The following TTC39A variants were observed in gnomAD, a reference collection of about 807,000 sequenced individuals.
The protein encoded by TTC39A is tetratricopeptide repeat protein 39A.
TTC39A carries 46 observed loss-of-function variants against 82.3 expected under a neutral mutation model. That is an observed-to-expected ratio of 0.56 (90% CI 0.44 to 0.71). The LOEUF (loss-of-function observed/expected upper bound fraction) is 0.71. Ranked by LOEUF, TTC39A falls within the 30% of genes least tolerant of loss-of-function variation. The pLI is 0.00. For missense variants in TTC39A, 543 were observed against 712.9 expected (o/e 0.76, Z 2.71); for synonymous variants, 254 against 275.2 (o/e 0.92, Z 0.76).
chr1:51,339,487 AAAG>A lies in TTC39A; in HGVS notation c.53+5501_53+5503del, dbSNP rs1646010141. 3.3e-5 allele frequency among the ~76,000 whole-genome samples: 5 copies of A among 152,274 alleles called. No individual in the cohort carries two copies. In the South Asian group the frequency reaches 6.2e-4, roughly 19 times the overall value. ...AGAAAAATTCCTCTTTTTTCCTGGGAAAGAAGATGTTGGAAGACACATTGGGCC... is the reference window on the plus strand; with the variant it reads ...AGAAAAATTCCTCTTTTTTCCTGGGAAAGATGTTGGAAGACACATTGGGCC... On this transcript the variant is annotated intron_variant, in intron 1 of 5. Transcript: ENST00000401051.
chr1:51,326,934 G>T (rs1210766074), intron 1 of TTC39A, among the ~76,000 whole-genome samples: 1 of 152,212 alleles, frequency 6.6e-6, no homozygotes, highest in East Asian at 1.9e-4. Flanking sequence ...AGCAGAGCTG[G>T]TGACCAATGC....
chr1:51,341,041 C>T (rs1646029958), intron 1 of TTC39A, among the ~76,000 whole-genome samples: 1 of 152,114 alleles, frequency 6.6e-6, no homozygotes, highest in South Asian at 2.1e-4. Flanking sequence ...CGTGGTGGCG[C>T]ATGACTATAA....
chr1:51,331,296 T>C (rs916729704), upstream of TTC39A: 14 of 1,540,722 alleles, frequency 9.1e-6, no homozygotes, highest in Non-Finnish European at 1.0e-5. Context: ...AAATGTCCAC[T>C]GTGCACCGAG....
chr1:51,335,999 C>G (rs967663003), upstream of TTC39A, among the ~76,000 whole-genome samples: 1 of 152,024 alleles, frequency 6.6e-6, no homozygotes, highest in African/African-American at 2.4e-5. Context: ...AGCCCCTTCC[C>G]CCAGGCCTTT....
chr1:51,321,963 A>T lies in TTC39A; in HGVS notation c.42-138T>A. The T allele has an allele frequency of 1.5e-6, 2 of 1,330,446 alleles. No homozygotes were observed. The highest frequency in any genetic ancestry group is 2.1e-6 in the Non-Finnish European group (2 of 962,338). The allele number at this position is 1,330,446 out of a possible 1,614,324, so 82.4% of individuals were successfully genotyped here. ...CTGTCACGAGCTCCTCCAGGCTGCC[A>T]CTCTGTACTGGGACGCAGGGACAAT... On this transcript the variant is annotated intron_variant, in intron 1 of 17. Coordinates refer to ENST00000680483, the MANE Select transcript of TTC39A (RefSeq NM_001297663.2). The surrounding 1 kb of genome is among the most constrained non-coding windows in gnomAD (Gnocchi z 4.6).
At chr1:51,304,754 C>T (rs1366621327) in intron 8 of TTC39A, among the ~76,000 whole-genome samples, 1 of 152,168 alleles carries the variant, frequency 6.6e-6, no homozygotes, top group East Asian at 1.9e-4. Flanking sequence ...TAAAGTGAGG[C>T]AGTATCTAGG....
chr1:51,302,651 G>C, intron 9 of TTC39A, 78 bp from the exon 10 acceptor site: 1 of 1,453,938 alleles, frequency 6.9e-7, no homozygotes, highest in East Asian at 2.5e-5. Context: ...CCCAGCAGGG[G>C]CTTCCCAGGG....
chr1:51,332,109 T>C (rs1051377397), upstream of TTC39A, among the ~76,000 whole-genome samples: 2 of 152,210 alleles, frequency 1.3e-5, no homozygotes, highest in African/African-American at 2.4e-5. Context: ...CACTTGTTAG[T>C]CATTCATGTA....
chr1:51,311,638 G>A (rs541436559), intron 4 of TTC39A, among the ~76,000 whole-genome samples: 3 of 152,224 alleles, frequency 2.0e-5, no homozygotes, highest in East Asian at 1.9e-4. Flanking sequence ...ACTGCTTGCG[G>A]TCAGCCACTG....
intron 2 of TTC39A, among the ~76,000 whole-genome samples, chr1:51,314,532 A>T (rs1557728382): frequency 1.3e-5 from 2 of 152,196 alleles, no homozygotes; most frequent in South Asian, 2.1e-4. Context: ...TAAAACACTC[A>T]TAAGTTAAGT....
At chr1:51,343,051 A>C (rs1337146342) in intron 1 of TTC39A, 1 of 456,268 alleles carries the variant, frequency 2.2e-6, no homozygotes, top group Admixed American at 2.3e-5. Context: ...GACGATGCAC[A>C]ACTGGATTCT....
At chr1:51,293,439 A>T (rs566414843) in intron 14 of TTC39A, among the ~76,000 whole-genome samples, 1 of 152,268 alleles carries the variant, frequency 6.6e-6, no homozygotes, top group Non-Finnish European at 1.5e-5. Flanking sequence ...AAATCAAACT[A>T]TATAAATATT....
intron 13 of TTC39A, 79 bp downstream of exon 13, chr1:51,296,000 G>C: frequency 6.7e-7 from 1 of 1,487,722 alleles, no homozygotes; most frequent in African/African-American, 1.4e-5. Flanking sequence ...CCACAGCTCA[G>C]GGTGGCCTGG....
chr1:51,302,242 C>T lies in TTC39A; in HGVS notation c.891+115G>A, dbSNP rs200495022. On this transcript the variant is annotated intron_variant, in intron 11 of 17. Transcript: ENST00000680483. The stretch of plus-strand genomic sequence containing the variant: ...GCTCTCTGGTTGGTTCTCTCTTGGC[C>T]CCCCCCCCGCCCCCAGTCTATCCTG... The T allele has an allele frequency of 9.1e-5, 51 of 562,480 alleles. 3 individuals carry two copies. Among genetic ancestry groups the T allele is most frequent in the East Asian group, 2.0e-4 (5 of 25,196 alleles). The allele number at this position is 562,480 out of a possible 1,614,324, so 34.8% of individuals were successfully genotyped here.
chr1:51,335,563 C>CAAA (rs1178529051), upstream of TTC39A, among the ~76,000 whole-genome samples: 483 of 68,062 alleles, frequency 7.1e-3, 2 homozygotes, highest in Non-Finnish European at 0.013. Flanking sequence ...TCTTGTCTCA[C>CAAA]AAAAAAAAAA....
chr1:51,318,976 C>G (rs1351008278), intron 2 of TTC39A, among the ~76,000 whole-genome samples: 1 of 152,068 alleles, frequency 6.6e-6, no homozygotes, highest in Non-Finnish European at 1.5e-5. Flanking sequence ...AAGAGGATTC[C>G]CCATTAAACA....
At chr1:51,316,142 C>G (rs114191755) in intron 2 of TTC39A, among the ~76,000 whole-genome samples, 1 of 152,148 alleles carries the variant, frequency 6.6e-6, no homozygotes, top group Non-Finnish European at 1.5e-5. Flanking sequence ...GAACAGCCCA[C>G]GTCTTGCTCA....
At chr1:51,312,044 A>T in intron 4 of TTC39A, 75 bp downstream of exon 4, 1 of 1,489,834 alleles carries the variant, frequency 6.7e-7, no homozygotes, top group Non-Finnish European at 9.1e-7. Context: ...GACAGGGAAG[A>T]AAACTGCCCC....
At chr1:51,302,752 A>G (rs2148181275) in intron 9 of TTC39A, among the ~76,000 whole-genome samples, 179 bp from the exon 10 acceptor site, 1 of 152,254 alleles carries the variant, frequency 6.6e-6, no homozygotes, top group South Asian at 2.1e-4. Context: ...TATCGCCCCC[A>G]GCACTTCACA....
Sources: allele counts gnomAD v4.1 joint callset (sites outside exome capture counted in the v4.1 genomes callset), GRCh38; gene constraint gnomAD v4.1.1; non-coding constraint Gnocchi (gnomAD v3.1); transcripts MANE v1.5; gene names NCBI Gene and HGNC (gene_info 2026-07-23, HGNC 2026-07-21).